Variants in DNMT3A observed in about 807,000 individuals in gnomAD.
DNMT3A encodes the protein DNA methyltransferase 3 alpha.
A neutral mutation model predicts 117.6 loss-of-function variants in DNMT3A; 267 were observed. The ratio of observed to expected loss-of-function variants is 2.27; its 90% confidence interval spans 2.05 to 2.51. The LOEUF is 2.51. DNMT3A is among the 30% of genes most tolerant of loss of function. DNMT3A has a pLI of 0.00. For missense variants in DNMT3A, 1,029 were observed against 1,260.2 expected, an observed-to-expected ratio of 0.82 and a Z score of 2.78; for synonymous variants, 432 against 474.8, an observed-to-expected ratio of 0.91 and a Z score of 1.17.
At chr2:25,256,314 C>T (rs1044709328) in intron 6 of DNMT3A, among the ~76,000 whole-genome samples, 4 of 152,130 alleles carry the variant, frequency 2.6e-5, no homozygotes, top group African/African-American at 4.8e-5. Context: ...TCATGAAGCC[C>T]ACGCTTTGCC....
At chr2:25,315,595 G>A (rs1307178435) in intron 1 of DNMT3A, among the ~76,000 whole-genome samples, 1 of 152,244 alleles carries the variant, frequency 6.6e-6, no homozygotes, top group African/African-American at 2.4e-5. Context: ...CTCAGGGCCT[G>A]GCTCGTGCTC....
At chr2:25,238,648 A>ACCTGAAGC (rs1386421459) in intron 20 of DNMT3A, among the ~76,000 whole-genome samples, 2 of 152,240 alleles carry the variant, frequency 1.3e-5, no homozygotes, top group Non-Finnish European at 2.9e-5. Context: ...CCAAAAAAGG[A>ACCTGAAGC]CCTGAAGCCA....
At chr2:25,300,707 AATATAAT>A (rs1256399424) in intron 2 of DNMT3A, among the ~76,000 whole-genome samples, 1 of 57,866 alleles carries the variant, frequency 1.7e-5, no homozygotes, top group Non-Finnish European at 3.2e-5. Flanking sequence ...ATATCTAAAT[AATATAAT>A]ATATATATAT....
intron 3 of DNMT3A, among the ~76,000 whole-genome samples, chr2:25,292,138 G>C (rs1216362941): frequency 6.6e-6 from 1 of 151,976 alleles, no homozygotes; most frequent in Non-Finnish European, 1.5e-5. Flanking sequence ...GCTCAGGCCT[G>C]CTCTCACATT....
chr2:25,289,583 A>G (rs2032592474), intron 3 of DNMT3A, among the ~76,000 whole-genome samples: 1 of 152,204 alleles, frequency 6.6e-6, no homozygotes, highest in African/African-American at 2.4e-5. Context: ...TAAAGCTTCC[A>G]GGATGGCTCA....
chr2:25,309,533 G>A (rs934926550), intron 2 of DNMT3A, among the ~76,000 whole-genome samples: 5 of 152,138 alleles, frequency 3.3e-5, no homozygotes, highest in Non-Finnish European at 5.9e-5. Flanking sequence ...GGAGGACTAC[G>A]AATTCTCATC....
chr2:25,257,724 A>G lies in DNMT3A; in HGVS notation c.640-9472T>C, dbSNP rs1573370113. Among the ~76,000 whole-genome samples the G allele has an allele frequency of 6.6e-6, 1 of 152,188 alleles. No homozygotes were observed. Among genetic ancestry groups the G allele is most frequent in the African/African-American group, 2.4e-5 (1 of 41,454 alleles). On this transcript the variant is annotated intron_variant, in intron 6 of 22. Coordinates refer to ENST00000321117, the MANE Select transcript of DNMT3A (RefSeq NM_022552.5). This position sits in a 1 kb window ranked among gnomAD's most constrained non-coding sequence, Gnocchi z 4.8. ...TTAATTGCATCTGGATCACCCAAGG[A>G]GGGCTTTAAAAATACAGATTCTTGG...
rs190503628 is a variant in DNMT3A at position 25,321,805 on chromosome 2, G to A, written c.-177-7644C>T. The stretch of plus-strand genomic sequence containing the variant: ...AGAGGCTGATGTGGGAGGATCGCTC[G>A]AGCCCAGGAGGTCGAGGCTGCAGGG... On this transcript the variant is annotated intron_variant, in intron 1 of 22. Coordinates refer to ENST00000321117, the MANE Select transcript of DNMT3A (RefSeq NM_022552.5). Among the ~76,000 whole-genome samples, 6 of 152,286 alleles carry A rather than the reference G, an allele frequency of 3.9e-5. No homozygotes were observed. In the East Asian group the frequency reaches 5.8e-4, roughly 15 times the overall value.
intron 2 of DNMT3A, among the ~76,000 whole-genome samples, chr2:25,312,946 A>G (rs1246592805): frequency 3.3e-5 from 5 of 152,078 alleles, no homozygotes; most frequent in Admixed American, 3.3e-4. Context: ...CAAGCAGCAC[A>G]ACCCCCAGCG....
intron 6 of DNMT3A, chr2:25,249,577 C>T (rs1311444324): frequency 1.0e-5 from 15 of 1,492,914 alleles, no homozygotes; most frequent in East Asian, 9.0e-5. Flanking sequence ...ATAGACCAGG[C>T]GTGCTCTCTG....
In DNMT3A at chr2:25,227,986, G is replaced by A. The variant is rs1017617114; in HGVS notation, c.*6293C>T. 7 of 151,598 alleles carry A rather than the reference G, an allele frequency of 4.6e-5. No homozygotes were observed. The highest frequency in any genetic ancestry group is 1.2e-4 in the African/African-American group (5 of 41,220). The allele number at this position is 151,598 out of a possible 1,614,324, so 9.4% of individuals were successfully genotyped here. A position where few individuals can be genotyped will look rare whatever the true frequency, so the allele number is the denominator to read the frequency against. On this transcript the variant is annotated 3_prime_UTR_variant, in exon 23 of 23. Transcript: ENST00000321117. Reference sequence around the variant, plus strand: ...GCACAAAAAAAAATGTGATGAAGGCGGAACTGACAGACTTTCTACATCTGT... The same window carrying A: ...GCACAAAAAAAAATGTGATGAAGGCAGAACTGACAGACTTTCTACATCTGT...
rs1461891157 is a variant in DNMT3A, at chr2:25,228,145, T to TAGAACC, written c.*6128_*6133dup. Reference sequence around the variant, plus strand: ...CCCACTCGCCCTTCCCTGAATGTCCTAGAACCAGACTGTGAAATGTACATT... The same window carrying TAGAACC: ...CCCACTCGCCCTTCCCTGAATGTCCTAGAACCAGAACCAGACTGTGAAATGTACATT... On this transcript the variant is annotated 3_prime_UTR_variant, in exon 23 of 23. Transcript: ENST00000321117. 7.7e-6 allele frequency: 1 copy of TAGAACC among 130,392 alleles called. No individual in the cohort carries two copies. Among genetic ancestry groups the TAGAACC allele is most frequent in the Non-Finnish European group, 1.6e-5 (1 of 64,378 alleles). 8.1% of individuals were successfully genotyped at this position (130,392 alleles called of 1,614,324 possible).
At position 25,281,506 on chromosome 2, in the gene DNMT3A, T is replaced by C; in HGVS notation, c.448+935A>G. ...TTCTCTATCCTGCATGAACATTAGGTTGGATCCATGCAAAATAAGTTACGC... is the reference window on the plus strand; with the variant it reads ...TTCTCTATCCTGCATGAACATTAGGCTGGATCCATGCAAAATAAGTTACGC... On this transcript the variant is annotated intron_variant, in intron 4 of 22. Coordinates refer to ENST00000321117, the MANE Select transcript of DNMT3A (RefSeq NM_022552.5). This position sits in a 1 kb window ranked among gnomAD's most constrained non-coding sequence, Gnocchi z 4.8. The C allele has an allele frequency of 9.5e-7, 1 of 1,056,868 alleles. No homozygotes were observed. Among genetic ancestry groups the C allele is most frequent in the Non-Finnish European group, 1.1e-6 (1 of 873,866 alleles). The allele number at this position is 1,056,868 out of a possible 1,614,324, so 65.5% of individuals were successfully genotyped here. A position where few individuals can be genotyped will look rare whatever the true frequency, so the allele number is the denominator to read the frequency against.
chr2:25,332,903 T>C (rs1055205376), intron 1 of DNMT3A, among the ~76,000 whole-genome samples: 2 of 152,250 alleles, frequency 1.3e-5, no homozygotes, highest in Non-Finnish European at 2.9e-5. Context: ...GACCCTCCCC[T>C]GCCTCCAGGC....
chr2:25,297,551 C>G (rs2149401756), intron 3 of DNMT3A, among the ~76,000 whole-genome samples: 1 of 146,704 alleles, frequency 6.8e-6, no homozygotes, highest in East Asian at 2.0e-4. Context: ...CGCTCTGTTG[C>G]CCAGGCTGGA....
rs201586043 is a variant in DNMT3A at position 25,298,847 on chromosome 2, G to GC, written c.177+1291dup. On this transcript the variant is annotated intron_variant, in intron 3 of 22. Coordinates refer to ENST00000321117, the MANE Select transcript of DNMT3A (RefSeq NM_022552.5). This position sits in a 1 kb window ranked among gnomAD's most constrained non-coding sequence, Gnocchi z 4.3. ...TAAAATGACTTCACTCCGCCCCCCT[G>GC]CCCCCCGCCTCAAATCTTCAGGCAG... 6.7e-3 allele frequency among the ~76,000 whole-genome samples: 1,020 copies of GC among 151,950 alleles called. 17 individuals carry two copies. Among genetic ancestry groups the GC allele is most frequent in the African/African-American group, 0.024 (976 of 41,398 alleles).
rs1673416917 is a variant in DNMT3A, at chr2:25,236,819, T to A, written c.2478+117A>T. ...CATGACCCTGCACCGTCTCCTAAAT[T>A]GCATTCTCCACACTAGCTGGAGAAG... is the stretch of plus-strand genomic sequence containing the variant. On this transcript the variant is annotated intron_variant, in intron 21 of 22. Transcript: ENST00000321117. The surrounding 1 kb of genome is among the most constrained non-coding windows in gnomAD (Gnocchi z 4.5). The A allele has an allele frequency of 9.0e-7, 1 of 1,116,776 alleles. No individual in the cohort carries two copies. The highest frequency in any genetic ancestry group is 1.3e-6 in the Non-Finnish European group (1 of 787,910). 69.2% of individuals were successfully genotyped at this position (1,116,776 alleles called of 1,614,324 possible). A position where few individuals can be genotyped will look rare whatever the true frequency, so the allele number is the denominator to read the frequency against.
chr2:25,245,209 G>C (rs1377003015), intron 13 of DNMT3A, 44 bp downstream of exon 13: 1 of 1,588,612 alleles, frequency 6.3e-7, no homozygotes, highest in Non-Finnish European at 8.6e-7. Flanking sequence ...GAAGGCCGAA[G>C]GGCCGGCCTC....
At position 25,337,771 on chromosome 2, in the gene DNMT3A, T is replaced by C. The variant is rs754270894; in HGVS notation, c.-178+4055A>G. ...TTCATGGATCTCAGATTTGGTCATG[T>C]TCTTAGGGAAAAATCGTCAGAGAGA... On this transcript the variant is annotated intron_variant, in intron 1 of 22. Transcript: ENST00000321117. The surrounding 1 kb of genome is among the most constrained non-coding windows in gnomAD (Gnocchi z 5.0). 1.7e-4 allele frequency among the ~76,000 whole-genome samples: 26 copies of C among 152,192 alleles called. No homozygotes were observed. The highest frequency in any genetic ancestry group is 3.4e-4 in the Non-Finnish European group (23 of 68,040).
Sources: gnomAD v4.1 joint callset for allele counts (sites outside exome capture counted in the v4.1 genomes callset) on GRCh38, gnomAD v4.1.1 for gene constraint, Gnocchi (gnomAD v3.1) non-coding constraint, MANE v1.5 for transcripts, NCBI Gene and HGNC (gene_info 2026-07-23, HGNC 2026-07-21) for gene names.